PLRG1: variants seen among roughly 807,000 people sequenced by gnomAD.
PLRG1 encodes the protein pleiotropic regulator 1.
Under a neutral mutation model 74.9 loss-of-function variants are expected in PLRG1, and 28 were observed. That is an observed-to-expected ratio of 0.37 (90% CI 0.28 to 0.51). PLRG1 has a LOEUF of 0.51. Among genes scored for constraint, PLRG1 ranks in the 20% least tolerant of loss-of-function variants. The probability of loss-of-function intolerance (pLI) is 0.91; values close to 1 mark genes in which losing one functional copy is unlikely to be tolerated. For synonymous variants in PLRG1, 197 were observed against 212.4 expected (o/e 0.93, Z 0.63); for missense variants, 445 against 631.9 (o/e 0.70, Z 3.17).
intron 4 of PLRG1, 81 bp downstream of exon 4, chr4:154,546,930 A>C: frequency 9.5e-7 from 1 of 1,049,492 alleles, no homozygotes; most frequent in Non-Finnish European, 1.5e-6. Context: ...TTTATAGGCA[A>C]CAAGAATCTC....
intron 4 of PLRG1, chr4:154,546,449 C>G: frequency 1.3e-5 from 6 of 471,936 alleles, no homozygotes. Context: ...TTAAAGCAGC[C>G]CAGAATAGTA....
chr4:154,546,455 T>C lies in PLRG1; in HGVS notation c.314-242A>G. The C allele has an allele frequency of 6.6e-6, 3 of 453,744 alleles. No individual in the cohort carries two copies. The South Asian group carries it at 8.8e-5, about 13-fold the overall frequency. 28.1% of individuals were successfully genotyped at this position (453,744 alleles called of 1,614,324 possible). ...CACATGGTATTAAAGCAGCCCAGAA[T>C]AGTAAAGTTAATTTCCATTATATTT... On this transcript the variant is annotated intron_variant, in intron 4 of 14. Transcript: ENST00000499023.
At chr4:154,540,420 C>T (rs1045342667) in intron 10 of PLRG1, 174 bp downstream of exon 10, 1 of 608,086 alleles carries the variant, frequency 1.6e-6, no homozygotes, top group African/African-American at 1.9e-5. Context: ...GGCCATACAA[C>T]TGAAGACTAA....
In PLRG1 at chr4:154,542,282, G is replaced by A. The variant is rs1323115001; in HGVS notation, c.595-3C>T. 4 of 1,598,376 alleles carry A rather than the reference G, an allele frequency of 2.5e-6. No homozygotes were observed. The highest frequency in any genetic ancestry group is 2.7e-5 in the African/African-American group (2 of 74,752). ...CAGCCAAGATGCCCACTGATAACCT[G>A]TATAAAACAAAGTAGAATGGGCAGG... On this transcript the variant is annotated splice_region_variant and splice_polypyrimidine_tract_variant and intron_variant, in intron 7 of 14. Coordinates refer to ENST00000499023, the MANE Select transcript of PLRG1 (RefSeq NM_002669.4).
At chr4:154,540,343 T>A (rs1210786757) in intron 10 of PLRG1, 3 of 582,406 alleles carry the variant, frequency 5.2e-6, no homozygotes, top group Non-Finnish European at 9.1e-6. Flanking sequence ...GGACAATAGT[T>A]GTTACAGAAT....
In PLRG1 at chr4:154,538,045, G is replaced by T; in HGVS notation, c.1215C>A (p.Phe405Leu). Residue 405 changes from phenylalanine (F) to leucine (L), a missense_variant, in exon 13 of 15, where the codon TTC (phenylalanine) becomes TTA (leucine). Physicochemically the swap from Phe to Leu is conservative, Grantham distance 22. Around this residue, in one of 3 missense-constraint regions of PLRG1, gnomAD observed 221 missense variants for 377.7 expected, o/e 0.59. Transcript: ENST00000499023. ...IKQWKFPDGSFIQNLSGHNAI... is the reference protein window; with the variant it reads ...IKQWKFPDGSLIQNLSGHNAI... ...CATTATGACCGGAAAGATTTTGAAT[G>T]AAACTTCCATCAGGGAATTTCCACT... The T allele has an allele frequency of 6.5e-7, 1 of 1,531,936 alleles. No individual in the cohort carries two copies. The highest frequency in any genetic ancestry group is 8.9e-7 in the Non-Finnish European group (1 of 1,118,082). The allele number at this position is 1,531,936 out of a possible 1,614,324, so 94.9% of individuals were successfully genotyped here. A position where few individuals can be genotyped will look rare whatever the true frequency, so the allele number is the denominator to read the frequency against.
At chr4:154,547,646 T>C in intron 3 of PLRG1, 65 bp downstream of exon 3, 1 of 1,462,662 alleles carries the variant, frequency 6.8e-7, no homozygotes, top group Non-Finnish European at 9.6e-7. Flanking sequence ...AAAAATAACA[T>C]ATTTTATTTT....
intron 8 of PLRG1, 117 bp downstream of exon 8, chr4:154,542,070 T>G: frequency 3.0e-6 from 2 of 673,436 alleles, no homozygotes; most frequent in Non-Finnish European, 5.4e-6. Context: ...TACTCCTTAT[T>G]CAGGTCTAAA....
intron 1 of PLRG1, chr4:154,549,230 T>C (rs1729715041): frequency 5.1e-6 from 2 of 393,034 alleles, no homozygotes; most frequent in Admixed American, 3.6e-5. Context: ...CACAATAGAA[T>C]GATAAAAAGG....
At chr4:154,548,694 T>C (rs1729702565) in intron 2 of PLRG1, 135 bp downstream of exon 2, 5 of 582,068 alleles carry the variant, frequency 8.6e-6, no homozygotes, top group Admixed American at 3.2e-5. Flanking sequence ...GCTTAAATTA[T>C]GCCAAAACAC....
At chr4:154,547,105 T>C in intron 3 of PLRG1, 41 bp from the exon 4 acceptor site, 1 of 1,418,270 alleles carries the variant, frequency 7.1e-7, no homozygotes, top group Non-Finnish European at 1.0e-6. Flanking sequence ...TGAATTTACC[T>C]TATACAAAAG....
At chr4:154,549,998 C>G (rs952234876) in intron 1 of PLRG1, among the ~76,000 whole-genome samples, 2 of 152,204 alleles carry the variant, frequency 1.3e-5, no homozygotes, top group Admixed American at 1.3e-4. Flanking sequence ...CGGCAAGTAC[C>G]AGTGGTCGAT....
Position 154,548,937 on chromosome 4 carries a change from TAA to T in PLRG1, c.10-4_10-3del. 6.6e-7 allele frequency: 1 copy of T among 1,513,342 alleles called. No individual in the cohort carries two copies. The highest frequency in any genetic ancestry group is 9.2e-7 in the Non-Finnish European group (1 of 1,091,764). The allele number at this position is 1,513,342 out of a possible 1,614,324, so 93.7% of individuals were successfully genotyped here. On this transcript the variant is annotated splice_polypyrimidine_tract_variant and splice_region_variant and intron_variant, in intron 1 of 14. Coordinates refer to ENST00000499023, the MANE Select transcript of PLRG1 (RefSeq NM_002669.4). ...GTGTACAGAATGTTTCTGTACCTCC[TAA>T]AAAAAAAGAATGTAATTACACACCT... is the stretch of plus-strand genomic sequence containing the variant.
In PLRG1 at chr4:154,547,792, T is replaced by C. The variant is rs1174466946; in HGVS notation, c.178A>G (p.Thr60Ala). 1 of 1,612,376 alleles carries C rather than the reference T, an allele frequency of 6.2e-7. No homozygotes were observed. The highest frequency in any genetic ancestry group is 1.1e-5 in the South Asian group (1 of 91,032). Residue 60 changes from threonine (T) to alanine (A), a missense_variant, in exon 3 of 15, where the codon ACT becomes GCT. Thr to Ala is a moderately conservative substitution (Grantham distance 58, BLOSUM62 0). This residue lies in a region of PLRG1 where 206 missense variants were observed against 210.8 expected (regional missense o/e 0.98). Transcript: ENST00000499023. ...NEYGPVLHMP[T>A]SKENLKEKGP... The stretch of plus-strand genomic sequence containing the variant: ...TTCTCTTTAAGATTTTCTTTTGAAG[T>C]AGGCATATGCAACACAGGACCATAC...
At chr4:154,549,205 A>G (rs1729714576) in intron 1 of PLRG1, 7 of 427,560 alleles carry the variant, frequency 1.6e-5, no homozygotes, top group South Asian at 1.3e-4. Flanking sequence ...TCTGGCAGGT[A>G]TTGTGCTAGA....
intron 11 of PLRG1, among the ~76,000 whole-genome samples, chr4:154,539,427 A>T (rs1214925923): frequency 6.6e-6 from 1 of 152,126 alleles, no homozygotes; most frequent in Admixed American, 6.6e-5. Flanking sequence ...ATTCACTGTC[A>T]ATTGAACAGC....
At position 154,540,671 on chromosome 4, in the gene PLRG1, A is replaced by G; in HGVS notation, c.862T>C (p.Leu288=). Residue 288 remains leucine, a synonymous_variant, in exon 10 of 15, where the codon TTA becomes CTA. Transcript: ENST00000499023. The part of the protein sequence containing the change: ...NKVIRHYHGH[L]SAVYGLDLHP... ...AAATCCAAACCATACACTGCACTTA[A>G]ATGTCCATGATAATGCCGTATAACC... 1.2e-6 allele frequency: 2 copies of G among 1,613,648 alleles called. No individual in the cohort carries two copies. The highest frequency in any genetic ancestry group is 1.7e-6 in the Non-Finnish European group (2 of 1,179,602).
In PLRG1 at chr4:154,537,333, C is replaced by T. The variant is rs1478110426; in HGVS notation, c.1438G>A (p.Ala480Thr). The change falls in exon 14 of 15, where the codon GCT (alanine) becomes ACT (threonine). Residue 480 changes from alanine (A) to threonine (T), a missense_variant. Physicochemically the swap from Ala to Thr is moderately conservative, Grantham distance 58. This residue lies in a region of PLRG1 where 221 missense variants were observed against 377.7 expected (regional missense o/e 0.59). Transcript: ENST00000499023. ...ACTTTAATGGTTTTATCAGCTTCAGCTGTTAGTAATCGACTTTCAGACTGA... is the reference window on the plus strand; with the variant it reads ...ACTTTAATGGTTTTATCAGCTTCAGTTGTTAGTAATCGACTTTCAGACTGA... ...FDQSESRLLT[A>T]EADKTIKVYR... 2 of 1,613,040 alleles carry T rather than the reference C, an allele frequency of 1.2e-6. No homozygotes were observed. The highest frequency in any genetic ancestry group is 3.3e-5 in the Admixed American group (2 of 59,862).
chr4:154,543,834 T>C (rs988720998), intron 7 of PLRG1: 36 of 152,230 alleles, frequency 2.4e-4, no homozygotes, highest in African/African-American at 8.2e-4. Flanking sequence ...GTACATTTTC[T>C]TTTTTAAAAT....
Sources: allele counts gnomAD v4.1 joint callset (sites outside exome capture counted in the v4.1 genomes callset), GRCh38; gene constraint gnomAD v4.1.1; regional missense constraint gnomAD v4.1.1; transcripts MANE v1.5; gene names NCBI Gene and HGNC (gene_info 2026-07-23, HGNC 2026-07-21).